ZNF423: variants seen among roughly 807,000 people sequenced by gnomAD.
ZNF423 encodes zinc finger protein 423, also known as Ebf-associated zinc finger protein.
In ZNF423, 12 loss-of-function variants were observed where a neutral mutation model predicts 95.8. That is an observed-to-expected ratio of 0.13 (90% CI 0.08 to 0.20). The LOEUF is 0.20. Ranked by LOEUF, ZNF423 falls within the 10% of genes least tolerant of loss-of-function variation. The probability of loss-of-function intolerance (pLI) is 1.00; values close to 1 mark genes in which losing one functional copy is unlikely to be tolerated. For synonymous variants in ZNF423, 749 were observed against 711.9 expected (o/e 1.05, Z -0.83); for missense variants, 1,316 against 1,737.1 (o/e 0.76, Z 4.31).
chr16:49,742,562 A>G (rs937448164), intron 2 of ZNF423, among the ~76,000 whole-genome samples: 1 of 152,054 alleles, frequency 6.6e-6, no homozygotes, highest in Non-Finnish European at 1.5e-5. Flanking sequence ...TGACCTCCTG[A>G]GGCAGTGACC....
chr16:49,668,914 G>T (rs2030669673), intron 3 of ZNF423, among the ~76,000 whole-genome samples: 1 of 152,174 alleles, frequency 6.6e-6, no homozygotes, highest in Admixed American at 6.5e-5. Context: ...TGGTGACAGT[G>T]CATGTCTCCT....
intron 3 of ZNF423, among the ~76,000 whole-genome samples, chr16:49,671,407 A>G (rs2030801532): frequency 1.3e-5 from 2 of 152,190 alleles, no homozygotes; most frequent in African/African-American, 4.8e-5. Context: ...TGATAGTTCC[A>G]TGAGGTCCCA....
At chr16:49,787,390 G>T (rs2034332599) in intron 2 of ZNF423, among the ~76,000 whole-genome samples, 1 of 152,120 alleles carries the variant, frequency 6.6e-6, no homozygotes, top group Non-Finnish European at 1.5e-5. Context: ...TGCCAGGGAT[G>T]CTCTGCCCTC....
At chr16:49,782,231 G>A (rs375236529) in intron 2 of ZNF423, among the ~76,000 whole-genome samples, 8 of 152,242 alleles carry the variant, frequency 5.3e-5, no homozygotes, top group Admixed American at 1.3e-4. Context: ...CTTTCTCACC[G>A]GCATGTCTGC....
intron 3 of ZNF423, among the ~76,000 whole-genome samples, chr16:49,717,974 A>C (rs1335997255): frequency 6.6e-6 from 1 of 152,056 alleles, no homozygotes; most frequent in Admixed American, 6.6e-5. Flanking sequence ...GGACCAACCA[A>C]CTCATAGGAG....
intron 7 of ZNF423, among the ~76,000 whole-genome samples, chr16:49,517,540 G>A (rs1968198907): frequency 6.6e-6 from 1 of 152,182 alleles, no homozygotes; most frequent in South Asian, 2.1e-4. Context: ...GCGTGGGCAG[G>A]TGTATATGTG....
Position 49,677,285 on chromosome 16 carries a change from A to AGAGAT in ZNF423, c.302-38412_302-38411insATCTC, listed in dbSNP as rs1555470586. ...AGAGAAGAGAAGAGAAGAGAAGAGAAGAGAAGAGAAGAGAAGAGAAGAGAA... is the reference window on the plus strand; with the variant it reads ...AGAGAAGAGAAGAGAAGAGAAGAGAAGAGATGAGAAGAGAAGAGAAGAGAAGAGAA... On this transcript the variant is annotated intron_variant, in intron 3 of 7. Coordinates refer to ENST00000563137, the MANE Select transcript of ZNF423 (RefSeq NM_001379286.1). Among the ~76,000 whole-genome samples the AGAGAT allele has an allele frequency of 7.4e-4, 65 of 87,588 alleles. 3 individuals carry two copies. The highest frequency in any genetic ancestry group is 2.9e-3 in the African/African-American group (65 of 22,284). The allele number at this position is 87,588 out of a possible 152,430, so 57.5% of individuals were successfully genotyped here. A position where few individuals can be genotyped will look rare whatever the true frequency, so the allele number is the denominator to read the frequency against.
chr16:49,613,413 C>T (rs1971785436), intron 5 of ZNF423, among the ~76,000 whole-genome samples: 1 of 152,186 alleles, frequency 6.6e-6, no homozygotes, highest in African/African-American at 2.4e-5. Flanking sequence ...AATGGAGAGG[C>T]TGGACAATGT....
chr16:49,600,899 G>A (rs1473661832), intron 5 of ZNF423, among the ~76,000 whole-genome samples: 1 of 152,128 alleles, frequency 6.6e-6, no homozygotes, highest in Admixed American at 6.5e-5. Context: ...TTCATTTCAC[G>A]AATTTCCCCT....
chr16:49,756,211 G>T (rs1363482407), intron 2 of ZNF423, among the ~76,000 whole-genome samples: 1 of 152,172 alleles, frequency 6.6e-6, no homozygotes, highest in Non-Finnish European at 1.5e-5. Context: ...CCTGGGGGCA[G>T]CCTGCATCAG....
intron 2 of ZNF423, among the ~76,000 whole-genome samples, chr16:49,733,611 G>A (rs1274878137): frequency 6.6e-6 from 1 of 152,186 alleles, no homozygotes; most frequent in African/African-American, 2.4e-5. Flanking sequence ...GGCTACTAAT[G>A]GGAAGGGAGG....
intron 1 of ZNF423, among the ~76,000 whole-genome samples, chr16:49,848,458 T>C (rs1346226217): frequency 1.3e-5 from 2 of 152,292 alleles, no homozygotes; most frequent in Non-Finnish European, 2.9e-5. Flanking sequence ...TCTTTTTCTG[T>C]ATGGGTTCTC....
intron 5 of ZNF423, among the ~76,000 whole-genome samples, chr16:49,579,720 A>T (rs1041721136): frequency 6.6e-6 from 1 of 152,142 alleles, no homozygotes; most frequent in Non-Finnish European, 1.5e-5. Flanking sequence ...TCCTTTCTCA[A>T]GGACCACCAT....
chr16:49,727,602 C>A (rs1007934833), intron 3 of ZNF423, among the ~76,000 whole-genome samples: 15 of 152,172 alleles, frequency 9.9e-5, no homozygotes, highest in African/African-American at 3.6e-4. Context: ...AGCACTCTCC[C>A]CAGAAGGCCA....
intron 1 of ZNF423, among the ~76,000 whole-genome samples, chr16:49,841,574 C>G (rs1484979600): frequency 6.6e-6 from 1 of 152,172 alleles, no homozygotes; most frequent in Non-Finnish European, 1.5e-5. Context: ...CCTCAGGGAC[C>G]AAATAAAAAA....
chr16:49,823,239 C>T (rs1214812384), intron 1 of ZNF423, among the ~76,000 whole-genome samples: 2 of 152,216 alleles, frequency 1.3e-5, no homozygotes, highest in African/African-American at 4.8e-5. Flanking sequence ...TGGACAGAAG[C>T]CTCACTTCTC....
At chr16:49,548,513 TA>T (rs546300280) in intron 5 of ZNF423, among the ~76,000 whole-genome samples, 3,732 of 147,156 alleles carry the variant, frequency 0.025, 134 homozygotes, top group African/African-American at 0.084. Context: ...ATGTTGCCGT[TA>T]AAAAAAAAAA....
intron 1 of ZNF423, among the ~76,000 whole-genome samples, chr16:49,819,011 T>C (rs1192388959): frequency 5.3e-5 from 8 of 152,054 alleles, no homozygotes; most frequent in Admixed American, 5.2e-4. Context: ...CCCAGCTCTT[T>C]GGGAGGCTGA....
intron 3 of ZNF423, among the ~76,000 whole-genome samples, chr16:49,655,511 A>ACAAT (rs1271235780): frequency 6.6e-6 from 1 of 152,210 alleles, no homozygotes; most frequent in African/African-American, 2.4e-5. Context: ...AAACCCCTGC[A>ACAAT]CAATCAGCAT....
Sources: allele counts gnomAD v4.1 joint callset (sites outside exome capture counted in the v4.1 genomes callset), GRCh38; gene constraint gnomAD v4.1.1; transcripts MANE v1.5; gene names NCBI Gene and HGNC (gene_info 2026-07-23, HGNC 2026-07-21).